Variants in SLC9A9 observed in about 807,000 individuals in gnomAD.
SLC9A9 encodes the protein sodium/hydrogen exchanger 9.
A neutral mutation model predicts 77.8 loss-of-function variants in SLC9A9; 62 were observed. The ratio of observed to expected loss-of-function variants is 0.80; its 90% CI spans 0.65 to 0.98. The LOEUF (loss-of-function observed/expected upper bound fraction) is 0.98, where lower values mean the gene tolerates loss of function less well. Among genes scored for constraint, SLC9A9 ranks in the 50% least tolerant of loss-of-function variants. SLC9A9 has a pLI of 0.00. For synonymous variants in SLC9A9, 320 were observed against 283.5 expected (o/e 1.13, Z -1.29); for missense variants, 775 against 774.9 (o/e 1.00, Z 0.00).
At chr3:143,653,043 A>C (rs1415569328) in intron 5 of SLC9A9, among the ~76,000 whole-genome samples, 6 of 152,202 alleles carry the variant, frequency 3.9e-5, no homozygotes, top group Admixed American at 3.9e-4. Flanking sequence ...TGCATGAATG[A>C]CTAAATGAAT....
chr3:143,349,428 A>G (rs1055281563), intron 14 of SLC9A9, among the ~76,000 whole-genome samples: 1 of 152,196 alleles, frequency 6.6e-6, no homozygotes, highest in African/African-American at 2.4e-5. Context: ...GGGGCCCATC[A>G]ACTCACATCC....
chr3:143,513,123 C>T (rs1246584283), intron 9 of SLC9A9, among the ~76,000 whole-genome samples: 1 of 152,126 alleles, frequency 6.6e-6, no homozygotes, highest in Non-Finnish European at 1.5e-5. Flanking sequence ...TTGAATGACT[C>T]TCCTTTTACA....
intron 14 of SLC9A9, among the ~76,000 whole-genome samples, chr3:143,358,026 T>C (rs1290755064): frequency 6.3e-5 from 2 of 31,658 alleles, no homozygotes; most frequent in Non-Finnish European, 9.9e-5. Flanking sequence ...TTTTCTTTCC[T>C]TTTTTTTTTT....
chr3:143,275,446 A>G (rs773264883), intron 14 of SLC9A9, among the ~76,000 whole-genome samples: 2 of 151,982 alleles, frequency 1.3e-5, no homozygotes, highest in Non-Finnish European at 2.9e-5. Flanking sequence ...GGAGCATTCT[A>G]TTTCCTTGCT....
chr3:143,847,471 C>T (rs1576769232), intron 1 of SLC9A9: 1 of 152,148 alleles, frequency 6.6e-6, no homozygotes, highest in Admixed American at 6.5e-5. Flanking sequence ...AATATTTTTC[C>T]ACACCTTGGC....
intron 14 of SLC9A9, among the ~76,000 whole-genome samples, chr3:143,294,311 G>A (rs372391543): frequency 6.6e-6 from 1 of 152,200 alleles, no homozygotes; most frequent in African/African-American, 2.4e-5. Flanking sequence ...ACTGAGGGAG[G>A]AAGGGGGAGC....
chr3:143,785,125 C>T (rs2008007574), intron 4 of SLC9A9, among the ~76,000 whole-genome samples: 1 of 152,210 alleles, frequency 6.6e-6, no homozygotes, highest in African/African-American at 2.4e-5. Flanking sequence ...TCCTTCCCCT[C>T]CCTGTATGCC....
At chr3:143,435,550 G>A (rs2034606898) in intron 12 of SLC9A9, among the ~76,000 whole-genome samples, 1 of 152,168 alleles carries the variant, frequency 6.6e-6, no homozygotes, top group South Asian at 2.1e-4. Flanking sequence ...AGAAAATTGG[G>A]AAATGCAGAA....
intron 7 of SLC9A9, among the ~76,000 whole-genome samples, chr3:143,578,059 T>A (rs1194035885): frequency 1.3e-5 from 2 of 152,202 alleles, no homozygotes; most frequent in South Asian, 4.1e-4. Context: ...ATGGCACACA[T>A]ATCATTTCAG....
At chr3:143,418,298 T>C (rs1344231414) in intron 12 of SLC9A9, among the ~76,000 whole-genome samples, 2 of 150,638 alleles carry the variant, frequency 1.3e-5, no homozygotes, top group African/African-American at 4.9e-5. Flanking sequence ...GTGGGGACAG[T>C]AATATTATCT....
chr3:143,272,135 A>G (rs1456584167), intron 14 of SLC9A9, among the ~76,000 whole-genome samples: 1 of 152,150 alleles, frequency 6.6e-6, no homozygotes, highest in Non-Finnish European at 1.5e-5. Flanking sequence ...GACCTTAGGA[A>G]GAGTGGTAGT....
chr3:143,762,396 T>C (rs1392376576), intron 4 of SLC9A9, among the ~76,000 whole-genome samples: 1 of 152,154 alleles, frequency 6.6e-6, no homozygotes, highest in Non-Finnish European at 1.5e-5. Context: ...CATCTTTTCT[T>C]TGTAGAATGG....
intron 14 of SLC9A9, among the ~76,000 whole-genome samples, chr3:143,304,056 C>T (rs1435472935): frequency 6.6e-6 from 1 of 152,134 alleles, no homozygotes; most frequent in East Asian, 1.9e-4. Flanking sequence ...GTCTCTTAGA[C>T]CTTTGTGGGA....
intron 6 of SLC9A9, among the ~76,000 whole-genome samples, chr3:143,639,672 T>C (rs1365533838): frequency 6.6e-6 from 1 of 152,208 alleles, no homozygotes; most frequent in Middle Eastern, 3.2e-3. Context: ...TAGGAGGTCA[T>C]TACCAAGCAC....
At chr3:143,619,932 T>C (rs539173919) in intron 6 of SLC9A9, among the ~76,000 whole-genome samples, 5 of 152,326 alleles carry the variant, frequency 3.3e-5, no homozygotes, top group African/African-American at 1.2e-4. Flanking sequence ...GTAAGAAACT[T>C]GTCCAGGAAC....
rs189389493 is a variant in SLC9A9, at chr3:143,831,063, G to T, written c.378+956C>A. The stretch of plus-strand genomic sequence containing the variant: ...TTATAAATTAGTCATCTTGACTGAG[G>T]AAAAATGGCAGACCAAGTACCTCCC... On this transcript the variant is annotated intron_variant, in intron 2 of 15. Transcript: ENST00000316549. 2.1e-4 allele frequency among the ~76,000 whole-genome samples: 32 copies of T among 152,008 alleles called. No individual in the cohort carries two copies. In the East Asian group the frequency reaches 6.0e-3, roughly 28 times the overall value.
At position 143,367,340 on chromosome 3, in the gene SLC9A9, T is replaced by C. The variant is rs186241718; in HGVS notation, c.1525-3777A>G. On this transcript the variant is annotated intron_variant, in intron 13 of 15. Coordinates refer to ENST00000316549, the MANE Select transcript of SLC9A9 (RefSeq NM_173653.4). ...GGATCTAATTAGAATAAAACATCTG[T>C]GAAATATGTTTTCCCAGGTGGGGAA... Among the ~76,000 whole-genome samples the C allele has an allele frequency of 4.6e-5, 7 of 152,332 alleles. No individual in the cohort carries two copies. In the East Asian group the frequency reaches 1.2e-3, roughly 25 times the overall value.
intron 6 of SLC9A9, 91 bp from the exon 7 acceptor site, chr3:143,578,814 C>T (rs2108663255): frequency 6.7e-7 from 1 of 1,481,756 alleles, no homozygotes; most frequent in Admixed American, 1.7e-5. Flanking sequence ...AGGTATCTTT[C>T]CCTGTAATGT....
chr3:143,811,044 C>A (rs1374022834), intron 2 of SLC9A9, among the ~76,000 whole-genome samples: 6 of 152,098 alleles, frequency 3.9e-5, no homozygotes, highest in African/African-American at 1.4e-4. Flanking sequence ...ACATGCAGAA[C>A]CATGCTCTCC....
Sources: gnomAD v4.1 joint callset for allele counts (sites outside exome capture counted in the v4.1 genomes callset) on GRCh38, gnomAD v4.1.1 for gene constraint, MANE v1.5 for transcripts, NCBI Gene and HGNC (gene_info 2026-07-23, HGNC 2026-07-21) for gene names.